CFAP299: variants seen among roughly 807,000 people sequenced by gnomAD.
The protein encoded by CFAP299 is cilia and flagella associated protein 299.
Under a neutral mutation model 27.0 loss-of-function variants are expected in CFAP299, and 21 were observed. That is an observed-to-expected ratio of 0.78 (90% CI 0.55 to 1.12). CFAP299 has a LOEUF of 1.12. Among genes scored for constraint, CFAP299 ranks in the 50% most tolerant of loss-of-function variants. The pLI is 0.00. For synonymous variants in CFAP299, 104 were observed against 98.1 expected, an observed-to-expected ratio of 1.06 and a Z score of -0.36; for missense variants, 310 against 276.6, an observed-to-expected ratio of 1.12 and a Z score of -0.86.
chr4:80,495,405 G>T (rs1160846975), intron 2 of CFAP299, among the ~76,000 whole-genome samples: 1 of 151,944 alleles, frequency 6.6e-6, no homozygotes, highest in Non-Finnish European at 1.5e-5. Flanking sequence ...TTATTAATGT[G>T]GGTAAAAAAA....
At chr4:80,422,912 T>G (rs1727355690) in intron 2 of CFAP299, among the ~76,000 whole-genome samples, 2 of 152,362 alleles carry the variant, frequency 1.3e-5, no homozygotes, top group South Asian at 4.1e-4. Flanking sequence ...CTAGATGGCA[T>G]GGAGTACTAG....
At position 80,552,044 on chromosome 4, in the gene CFAP299, C is replaced by T. The variant is rs576226633; in HGVS notation, c.243-31049C>T. ...GATTACAGGCGTGAGCCACCATGCC[C>T]GGCCCGAAAGCTTTTAAAAGAGCTG... On this transcript the variant is annotated intron_variant, in intron 2 of 5. Coordinates refer to ENST00000358105, the MANE Select transcript of CFAP299 (RefSeq NM_152770.3). Among the ~76,000 whole-genome samples, 350 of 152,258 alleles carry T rather than the reference C, an allele frequency of 2.3e-3. 2 individuals are homozygous for T. Among genetic ancestry groups the T allele is most frequent in the African/African-American group, 8.0e-3 (332 of 41,560 alleles).
chr4:80,678,788 A>C (rs577995067), intron 3 of CFAP299, among the ~76,000 whole-genome samples: 1 of 152,154 alleles, frequency 6.6e-6, no homozygotes, highest in South Asian at 2.1e-4. Flanking sequence ...AGTTGCAAAA[A>C]TAGTATTAAT....
chr4:80,735,812 T>C (rs947647741), intron 3 of CFAP299, among the ~76,000 whole-genome samples: 26 of 152,186 alleles, frequency 1.7e-4, no homozygotes, highest in African/African-American at 6.3e-4. Context: ...AATAATCTTT[T>C]TAATGTATTA....
In CFAP299 at chr4:80,944,902, A is replaced by G; in HGVS notation, c.569A>G (p.Tyr190Cys). The change falls in exon 5 of 6, where the codon TAC (tyrosine) becomes TGC (cysteine). Residue 190 changes from tyrosine (Y) to cysteine (C), a missense_variant. Transcript: ENST00000358105. ...AATCCAGAAGGCTTACTTTTCAGAT[A>G]CAAAAGAGACAGAAAAATTCTTAAT... is the stretch of plus-strand genomic sequence containing the variant. The part of the protein sequence containing the change: ...ADNPEGLLFR[Y>C]KRDRKILNVD... 1 of 1,613,070 alleles carries G rather than the reference A, an allele frequency of 6.2e-7. No individual in the cohort carries two copies.
intron 3 of CFAP299, among the ~76,000 whole-genome samples, chr4:80,863,500 A>G (rs867986747): frequency 1.1e-4 from 17 of 152,306 alleles, no homozygotes; most frequent in Admixed American, 3.3e-4. Context: ...ACATTGGTTC[A>G]CTTTTGAGGT....
intron 3 of CFAP299, among the ~76,000 whole-genome samples, chr4:80,814,378 A>G (rs1439148060): frequency 6.6e-6 from 1 of 152,028 alleles, no homozygotes; most frequent in Non-Finnish European, 1.5e-5. Flanking sequence ...GATGGACATG[A>G]GTATCATAAT....
In CFAP299 at chr4:80,660,392, A is replaced by T. The variant is rs796838699; in HGVS notation, c.333+77209A>T. The stretch of plus-strand genomic sequence containing the variant: ...AACTATAAGAAATAGACAGTCAATG[A>T]AATGTTAATAAAGGTGAAAATAAAA... On this transcript the variant is annotated intron_variant, in intron 3 of 5. Transcript: ENST00000358105. Among the ~76,000 whole-genome samples the T allele has an allele frequency of 6.6e-5, 10 of 152,276 alleles. 1 individual carries two copies. Among genetic ancestry groups the T allele is most frequent in the African/African-American group, 2.4e-4 (10 of 41,558 alleles).
chr4:80,545,935 A>G (rs34361426), intron 2 of CFAP299, among the ~76,000 whole-genome samples: 11,930 of 149,278 alleles, frequency 0.08, 541 homozygotes, highest in Non-Finnish European at 0.097. Flanking sequence ...CTTGGATGAA[A>G]GATCGGTTCA....
chr4:80,593,246 T>C (rs1365600623), intron 3 of CFAP299, among the ~76,000 whole-genome samples: 1 of 152,172 alleles, frequency 6.6e-6, no homozygotes, highest in Non-Finnish European at 1.5e-5. Context: ...TCATTGCAGT[T>C]AAGATAGCAA....
At chr4:80,563,844 A>T (rs1735156044) in intron 2 of CFAP299, among the ~76,000 whole-genome samples, 1 of 152,088 alleles carries the variant, frequency 6.6e-6, no homozygotes, top group Non-Finnish European at 1.5e-5. Flanking sequence ...AATAAATAAA[A>T]TCAGAAATGT....
chr4:80,832,086 T>C (rs191196503), intron 3 of CFAP299, among the ~76,000 whole-genome samples: 3 of 152,276 alleles, frequency 2.0e-5, no homozygotes, highest in South Asian at 4.1e-4. Context: ...ACAATATGAA[T>C]GGATTTTTAC....
rs1244940514 is a variant in CFAP299 at position 80,843,643 on chromosome 4, A to C, written c.334-26350A>C. ...TACTATTTCTAGTTCTAGATCCCTG[A>C]GGAATCGCCACACTGTCTTCCACAA... On this transcript the variant is annotated intron_variant, in intron 3 of 5. Coordinates refer to ENST00000358105, the MANE Select transcript of CFAP299 (RefSeq NM_152770.3). Among the ~76,000 whole-genome samples the C allele has an allele frequency of 4.6e-5, 7 of 152,118 alleles. No individual in the cohort carries two copies. In the East Asian group the frequency reaches 1.3e-3, roughly 29 times the overall value.
intron 3 of CFAP299, among the ~76,000 whole-genome samples, chr4:80,735,062 A>G (rs1482998748): frequency 6.6e-6 from 1 of 152,154 alleles, no homozygotes; most frequent in Admixed American, 6.6e-5. Context: ...TTTTAACAAT[A>G]TTGATCCTTC....
At chr4:80,493,098 C>A (rs1206109882) in intron 2 of CFAP299, among the ~76,000 whole-genome samples, 1 of 152,198 alleles carries the variant, frequency 6.6e-6, no homozygotes, top group African/African-American at 2.4e-5. Context: ...ATGCTTGACA[C>A]AGTCTTTTGC....
intron 4 of CFAP299, among the ~76,000 whole-genome samples, chr4:80,927,457 A>G (rs1444802888): frequency 6.6e-6 from 1 of 152,046 alleles, no homozygotes; most frequent in Admixed American, 6.6e-5. Context: ...GTCACAAATT[A>G]CTACAAATTT....
intron 3 of CFAP299, among the ~76,000 whole-genome samples, chr4:80,729,555 T>TGTG (rs1723370017): frequency 6.6e-6 from 1 of 151,770 alleles, no homozygotes; most frequent in Non-Finnish European, 1.5e-5. Context: ...TGGAACAGGT[T>TGTG]GTGGTGAGTG....
intron 4 of CFAP299, chr4:80,870,509 A>G (rs577106399): frequency 2.1e-4 from 205 of 993,090 alleles, no homozygotes; most frequent in Non-Finnish European, 2.4e-4. Context: ...GTCACCAGCC[A>G]AAGTGCTGGC....
At chr4:80,342,588 G>T (rs770505285) in intron 1 of CFAP299, among the ~76,000 whole-genome samples, 1 of 152,120 alleles carries the variant, frequency 6.6e-6, no homozygotes, top group Non-Finnish European at 1.5e-5. Flanking sequence ...TAGCACAGGA[G>T]AAATAAGATC....
Sources: allele counts gnomAD v4.1 joint callset (sites outside exome capture counted in the v4.1 genomes callset), GRCh38; gene constraint gnomAD v4.1.1; transcripts MANE v1.5; gene names NCBI Gene and HGNC (gene_info 2026-07-23, HGNC 2026-07-21).